Variants in EFCAB7 observed in about 807,000 individuals in gnomAD.
EFCAB7 encodes the protein EF-hand calcium-binding domain-containing protein 7.
In EFCAB7, 66 loss-of-function variants were observed where a neutral mutation model predicts 77.1. The ratio of observed to expected loss-of-function variants is 0.86; its 90% CI spans 0.70 to 1.05. The LOEUF (loss-of-function observed/expected upper bound fraction) is 1.05, where lower values mean the gene tolerates loss of function less well. Among genes scored for constraint, EFCAB7 ranks in the 50% least tolerant of loss-of-function variants. The pLI, the probability that EFCAB7 is intolerant of heterozygous loss-of-function variation, is 0.00. For synonymous variants in EFCAB7, 225 were observed against 243.3 expected, an observed-to-expected ratio of 0.92 and a Z score of 0.70; for missense variants, 638 against 730.5, an observed-to-expected ratio of 0.87 and a Z score of 1.46.
At position 63,525,594 on chromosome 1, in the gene EFCAB7, G is replaced by C; in HGVS notation, c.22G>C (p.Asp8His). 6.4e-7 allele frequency: 1 copy of C among 1,569,108 alleles called. No individual in the cohort carries two copies. Among genetic ancestry groups the C allele is most frequent in the South Asian group, 1.2e-5 (1 of 83,188 alleles). MAISPRS[D>H]ATFSSQKSTP... Reference sequence around the variant, plus strand: ...TAGAATGGCGATCAGTCCACGAAGCGATGCAACTTTCTCCAGTCAGAAATC... The same window carrying C: ...TAGAATGGCGATCAGTCCACGAAGCCATGCAACTTTCTCCAGTCAGAAATC... The change falls in exon 2 of 14, where the codon GAT (aspartate) becomes CAT (histidine). Residue 8 changes from aspartate (D) to histidine (H), a missense_variant. By Grantham distance (81) the Asp-to-His change is moderately conservative. Transcript: ENST00000371088.
intron 6 of EFCAB7, among the ~76,000 whole-genome samples, chr1:63,538,533 A>C (rs1176997029): frequency 1.3e-5 from 2 of 151,716 alleles, no homozygotes; most frequent in Non-Finnish European, 2.9e-5. Context: ...GGCTCACTGC[A>C]ACCTCCGCCT....
chr1:63,540,294 G>A (rs1646812472), intron 6 of EFCAB7, among the ~76,000 whole-genome samples: 1 of 150,848 alleles, frequency 6.6e-6, no homozygotes, highest in Non-Finnish European at 1.5e-5. Context: ...AACCTGGGAG[G>A]TGGAGGTGGC....
At chr1:63,539,259 T>G (rs368984786) in intron 6 of EFCAB7, among the ~76,000 whole-genome samples, 2 of 152,196 alleles carry the variant, frequency 1.3e-5, no homozygotes, top group Admixed American at 6.5e-5. Context: ...ACATTATCTT[T>G]TAAAGCTTAA....
the EFCAB7 span, among the ~76,000 whole-genome samples, chr1:63,580,089 GT>G: frequency 6.6e-6 from 1 of 152,128 alleles, no homozygotes; most frequent in Non-Finnish European, 1.5e-5. Context: ...CAATTAATCA[GT>G]TTTTCATTTA....
chr1:63,531,824 T>C lies in EFCAB7; in HGVS notation c.192T>C (p.Leu64=). 4 of 1,611,442 alleles carry C rather than the reference T, an allele frequency of 2.5e-6. No individual in the cohort carries two copies. Among genetic ancestry groups the C allele is most frequent in the Non-Finnish European group, 3.4e-6 (4 of 1,179,058 alleles). Residue 64 remains leucine (L), a synonymous_variant, in exon 3 of 14, where the codon CTT becomes CTC. Transcript: ENST00000371088. ...AATACTTGTCTTGTTGGGCAGCTCT[T>C]CAGCATGCAGGAAGAAATCCATCCC... ...IISKDQLYLA[L]QHAGRNPSQK...
downstream of EFCAB7, among the ~76,000 whole-genome samples, chr1:63,573,154 T>TG (rs935745973): frequency 6.6e-6 from 1 of 152,020 alleles, no homozygotes; most frequent in African/African-American, 2.4e-5. Context: ...GTTGAAGTGT[T>TG]GGGGCGGCGA....
chr1:63,562,490 TATATAAAAC>T (rs1647119640), intron 11 of EFCAB7, among the ~76,000 whole-genome samples: 1 of 94,542 alleles, frequency 1.1e-5, no homozygotes, highest in Admixed American at 1.1e-4. Flanking sequence ...TATATATATA[TATATAAAAC>T]TTTTTTTTTT....
chr1:63,558,710 C>T (rs1013001091), intron 10 of EFCAB7, among the ~76,000 whole-genome samples: 1 of 152,100 alleles, frequency 6.6e-6, no homozygotes, highest in East Asian at 1.9e-4. Context: ...TTTTTTTACA[C>T]TTAAAGATGC....
intron 2 of EFCAB7, among the ~76,000 whole-genome samples, chr1:63,528,865 T>G (rs1646643941): frequency 6.6e-6 from 1 of 152,186 alleles, no homozygotes. Context: ...TCCTTGATTC[T>G]TTGAACATTG....
At chr1:63,557,975 C>G (rs1415357864) in intron 10 of EFCAB7, among the ~76,000 whole-genome samples, 2 of 152,118 alleles carry the variant, frequency 1.3e-5, no homozygotes, top group Non-Finnish European at 2.9e-5. Flanking sequence ...TTAAAATGGT[C>G]TAAGCTTGGC....
downstream of EFCAB7, among the ~76,000 whole-genome samples, chr1:63,576,290 G>C (rs1338647664): frequency 6.6e-6 from 1 of 152,054 alleles, no homozygotes; most frequent in Non-Finnish European, 1.5e-5. Flanking sequence ...GACCAGCCTG[G>C]CCAACATGGT....
intron 2 of EFCAB7, among the ~76,000 whole-genome samples, chr1:63,527,297 TTA>T (rs932061125): frequency 6.6e-6 from 1 of 152,222 alleles, no homozygotes; most frequent in Non-Finnish European, 1.5e-5. Context: ...CTCTTCAGTG[TTA>T]TATACACTTT....
At chr1:63,555,309 T>A (rs780842316) in intron 8 of EFCAB7, 49 bp from the exon 9 acceptor site, 38 of 1,522,498 alleles carry the variant, frequency 2.5e-5, no homozygotes, top group Admixed American at 6.5e-5. Flanking sequence ...AATTAAAAGA[T>A]GAAAAGATTA....
chr1:63,525,386 C>T (rs1646570253), intron 1 of EFCAB7, among the ~76,000 whole-genome samples, 186 bp from the exon 2 acceptor site: 1 of 152,084 alleles, frequency 6.6e-6, no homozygotes, highest in African/African-American at 2.4e-5. Context: ...CGTCCATATA[C>T]AACTATAGTA....
intron 9 of EFCAB7, among the ~76,000 whole-genome samples, chr1:63,556,023 C>T (rs1027187046): frequency 2.0e-5 from 3 of 152,070 alleles, no homozygotes; most frequent in Admixed American, 1.3e-4. Context: ...TAGGTGTGAG[C>T]CACCACATCC....
chr1:63,553,955 A>C (rs1348832699), intron 8 of EFCAB7, among the ~76,000 whole-genome samples: 1 of 152,086 alleles, frequency 6.6e-6, no homozygotes, highest in Non-Finnish European at 1.5e-5. Context: ...CTGCCTTAGC[A>C]TCTCAAGTAG....
At position 63,568,221 on chromosome 1, in the gene EFCAB7, G is replaced by A. The variant is rs981906727; in HGVS notation, c.1498-89G>A. ...GTTTATTAGAAGGACAAGCTAGAAG[G>A]TATAGCATATCTTCTTATATGGTAA... On this transcript the variant is annotated intron_variant, in intron 11 of 13. Transcript: ENST00000371088. 9.1e-6 allele frequency: 10 copies of A among 1,103,138 alleles called. No individual in the cohort carries two copies. The African/African-American group carries it at 1.1e-4, about 12-fold the overall frequency. The allele number at this position is 1,103,138 out of a possible 1,614,324, so 68.3% of individuals were successfully genotyped here.
chr1:63,531,104 C>T (rs975401965), intron 2 of EFCAB7, among the ~76,000 whole-genome samples: 3 of 152,046 alleles, frequency 2.0e-5, no homozygotes, highest in Non-Finnish European at 4.4e-5. Flanking sequence ...AACCTATTTC[C>T]CACTATCTGA....
chr1:63,553,775 C>A (rs1646994756), intron 8 of EFCAB7, among the ~76,000 whole-genome samples: 1 of 152,134 alleles, frequency 6.6e-6, no homozygotes, highest in Non-Finnish European at 1.5e-5. Context: ...CTTAGATGAG[C>A]AACATTATTT....
Sources: allele counts gnomAD v4.1 joint callset (sites outside exome capture counted in the v4.1 genomes callset), GRCh38; gene constraint gnomAD v4.1.1; transcripts MANE v1.5; gene names NCBI Gene and HGNC (gene_info 2026-07-23, HGNC 2026-07-21).